The following FAF1 variants were observed in gnomAD, a reference collection of about 807,000 sequenced individuals.
FAF1 encodes Fas associated factor 1, also known as FAS-associated factor 1.
In FAF1, 25 loss-of-function variants were observed where a neutral mutation model predicts 92.5. That is an observed-to-expected ratio of 0.27 (90% CI 0.20 to 0.38). The LOEUF (loss-of-function observed/expected upper bound fraction) is 0.38. FAF1 is among the 10% of genes least tolerant of loss of function. FAF1 has a pLI of 1.00. For synonymous variants in FAF1, 234 were observed against 273.2 expected (o/e 0.86, Z 1.42); for missense variants, 636 against 793.3 (o/e 0.80, Z 2.38).
chr1:50,933,807 C>T (rs1645066510), intron 1 of FAF1, among the ~76,000 whole-genome samples: 1 of 152,176 alleles, frequency 6.6e-6, no homozygotes, highest in Non-Finnish European at 1.5e-5. Context: ...ACCTCAGAAT[C>T]ATTGAGAATC....
At chr1:50,888,948 C>T (rs1391306667) in intron 1 of FAF1, among the ~76,000 whole-genome samples, 3 of 152,122 alleles carry the variant, frequency 2.0e-5, no homozygotes, top group African/African-American at 7.2e-5. Context: ...GGTACCAGCT[C>T]CTCCTTGTAC....
At chr1:50,633,928 C>T (rs1653899901) in intron 8 of FAF1, among the ~76,000 whole-genome samples, 1 of 152,144 alleles carries the variant, frequency 6.6e-6, no homozygotes, top group African/African-American at 2.4e-5. Context: ...GCAGTTCATT[C>T]CATGTTGATC....
At chr1:50,687,405 T>C (rs1172719733) in intron 7 of FAF1, among the ~76,000 whole-genome samples, 1 of 146,606 alleles carries the variant, frequency 6.8e-6, no homozygotes, top group East Asian at 2.0e-4. Context: ...AGGATTTGCA[T>C]AGACATTCCT....
intron 1 of FAF1, among the ~76,000 whole-genome samples, chr1:50,945,690 A>G (rs1376625008): frequency 6.6e-6 from 1 of 152,204 alleles, no homozygotes; most frequent in Non-Finnish European, 1.5e-5. Context: ...TTGTTTTCAT[A>G]GTTCACAGCT....
chr1:50,829,209 A>G (rs1180675079), intron 2 of FAF1, among the ~76,000 whole-genome samples: 1 of 152,146 alleles, frequency 6.6e-6, no homozygotes, highest in Non-Finnish European at 1.5e-5. Context: ...CTTTCATGAA[A>G]GCAGTAATGT....
chr1:50,474,248 C>T (rs1445753749), intron 18 of FAF1, among the ~76,000 whole-genome samples: 10 of 152,206 alleles, frequency 6.6e-5, no homozygotes, highest in Non-Finnish European at 1.5e-5. Flanking sequence ...AGACAACAAT[C>T]ACATCTCTCA....
chr1:50,787,088 G>GAA (rs1281562005), intron 4 of FAF1, among the ~76,000 whole-genome samples: 2 of 152,186 alleles, frequency 1.3e-5, no homozygotes, highest in Non-Finnish European at 2.9e-5. Flanking sequence ...GTTCTACAAT[G>GAA]AAAATGGATC....
intron 7 of FAF1, among the ~76,000 whole-genome samples, chr1:50,694,468 T>C (rs1460192198): frequency 6.6e-6 from 1 of 151,842 alleles, no homozygotes; most frequent in Non-Finnish European, 1.5e-5. Context: ...ATCTCACTTA[T>C]AATTAATTTT....
chr1:50,746,362 G>A (rs1266760254), intron 4 of FAF1, among the ~76,000 whole-genome samples: 9 of 133,566 alleles, frequency 6.7e-5, no homozygotes, highest in South Asian at 2.5e-4. Flanking sequence ...GGAGTGCGAC[G>A]GCGTGATCTC....
chr1:50,701,814 C>T (rs1213568688), intron 7 of FAF1, among the ~76,000 whole-genome samples: 1 of 152,046 alleles, frequency 6.6e-6, no homozygotes, highest in Admixed American at 6.6e-5. Context: ...TGTTTTACTA[C>T]TCCCTGCAAG....
chr1:50,515,132 G>C (rs562919961), intron 15 of FAF1, among the ~76,000 whole-genome samples: 18 of 152,238 alleles, frequency 1.2e-4, no homozygotes, highest in African/African-American at 4.3e-4. Context: ...TCTCTCATTA[G>C]TTGTATGAGA....
intron 1 of FAF1, among the ~76,000 whole-genome samples, chr1:50,889,334 T>C (rs954195827): frequency 2.0e-5 from 3 of 152,246 alleles, no homozygotes; most frequent in African/African-American, 7.2e-5. Flanking sequence ...TTCATTGATT[T>C]TTTGAAGGGT....
intron 13 of FAF1, among the ~76,000 whole-genome samples, chr1:50,553,068 C>T (rs889202775): frequency 6.6e-6 from 1 of 151,940 alleles, no homozygotes; most frequent in Non-Finnish European, 1.5e-5. Flanking sequence ...GAAATTACAA[C>T]GATGAACCTC....
intron 13 of FAF1, among the ~76,000 whole-genome samples, chr1:50,555,883 G>T (rs992071310): frequency 1.3e-5 from 2 of 151,834 alleles, no homozygotes; most frequent in Non-Finnish European, 2.9e-5. Flanking sequence ...CCAATGAGTG[G>T]ATAAAGAAAA....
intron 6 of FAF1, among the ~76,000 whole-genome samples, chr1:50,711,305 C>T (rs183106820): frequency 3.9e-5 from 6 of 152,248 alleles, no homozygotes; most frequent in Admixed American, 2.0e-4. Flanking sequence ...TAAAATCTTA[C>T]AGTGATAGTG....
At chr1:50,733,444 T>TG in intron 6 of FAF1, among the ~76,000 whole-genome samples, 1 of 152,076 alleles carries the variant, frequency 6.6e-6, no homozygotes, top group Non-Finnish European at 1.5e-5. Flanking sequence ...ATGAACTGAA[T>TG]TGTGTCCCCC....
At chr1:50,863,986 T>TGGGAGA (rs1283866759) in intron 1 of FAF1, among the ~76,000 whole-genome samples, 1 of 152,030 alleles carries the variant, frequency 6.6e-6, no homozygotes. Context: ...CTAGTTTATT[T>TGGGAGA]GCGTAGAGGT....
chr1:50,764,253 G>T (rs956798109), intron 4 of FAF1, among the ~76,000 whole-genome samples: 9 of 152,108 alleles, frequency 5.9e-5, no homozygotes, highest in African/African-American at 2.2e-4. Context: ...TGGGGTCTCA[G>T]TACTAACTGT....
intron 15 of FAF1, among the ~76,000 whole-genome samples, chr1:50,505,005 G>T (rs750898500): frequency 2.0e-5 from 3 of 152,200 alleles, no homozygotes; most frequent in Non-Finnish European, 4.4e-5. Context: ...AGCACTGCTT[G>T]TAAGACTGTA....
Sources: gnomAD v4.1 joint callset for allele counts (sites outside exome capture counted in the v4.1 genomes callset) on GRCh38, gnomAD v4.1.1 for gene constraint, MANE v1.5 for transcripts, NCBI Gene and HGNC (gene_info 2026-07-23, HGNC 2026-07-21) for gene names.